Variants in WDR47 observed in about 807,000 individuals in gnomAD.
WDR47 encodes the protein WD repeat-containing protein 47.
Under a neutral mutation model 97.2 loss-of-function variants are expected in WDR47, and 32 were observed. The observed-to-expected ratio is 0.33, with a 90% CI of 0.25 to 0.44. WDR47 has a LOEUF of 0.44. WDR47 is among the 20% of genes least tolerant of loss of function. The probability of loss-of-function intolerance (pLI) is 1.00; values close to 1 mark genes in which losing one functional copy is unlikely to be tolerated. For missense variants in WDR47, 782 were observed against 1,102.3 expected (o/e 0.71, Z 4.11); for synonymous variants, 375 against 373.5 (o/e 1.00, Z -0.05).
intron 13 of WDR47, among the ~76,000 whole-genome samples, chr1:108,975,278 AAAAT>A (rs1452903696): frequency 1.3e-5 from 2 of 151,948 alleles, no homozygotes; most frequent in African/African-American, 2.4e-5. Flanking sequence ...TCCCAGAAAT[AAAAT>A]AAATAATTTT....
At chr1:109,017,702 C>T (rs550473490) in intron 2 of WDR47, 101 bp from the exon 3 acceptor site, 1 of 875,178 alleles carries the variant, frequency 1.1e-6, no homozygotes, top group Admixed American at 2.8e-5. Flanking sequence ...TCATAAAGCA[C>T]ACAATGAGAT....
At chr1:108,986,713 A>C (rs1658854109) in intron 9 of WDR47, 33 bp from the exon 10 acceptor site, 1 of 1,472,988 alleles carries the variant, frequency 6.8e-7, no homozygotes. Flanking sequence ...TTATCCTATT[A>C]AAAAAATGAA....
At chr1:109,036,416 A>G (rs1662945583) in intron 1 of WDR47, among the ~76,000 whole-genome samples, 1 of 151,856 alleles carries the variant, frequency 6.6e-6, no homozygotes, top group African/African-American at 2.4e-5. Flanking sequence ...TACTAAAAAT[A>G]CAAAAATTAG....
intron 4 of WDR47, among the ~76,000 whole-genome samples, chr1:109,012,203 A>C (rs545976724): frequency 5.3e-4 from 80 of 152,244 alleles, no homozygotes; most frequent in African/African-American, 1.9e-3. Flanking sequence ...AAACTTTGCT[A>C]TTATTCCAGC....
chr1:109,017,725 T>A (rs749282268), intron 2 of WDR47, 124 bp from the exon 3 acceptor site: 4 of 766,654 alleles, frequency 5.2e-6, no homozygotes, highest in Non-Finnish European at 8.3e-6. Context: ...ACATTTTATT[T>A]GATTCCTCAA....
rs148636023 is a variant in WDR47 at position 109,040,409 on chromosome 1, C to G, written c.-10+1453G>C. ...TGTAAGTAGTAACATAGGATAGTAC[C>G]CCTGTTCTCTTATGACACATTCTTA... On this transcript the variant is annotated intron_variant, in intron 1 of 14. Coordinates refer to ENST00000369962, the MANE Select transcript of WDR47 (RefSeq NM_001142551.2). Among the ~76,000 whole-genome samples, 336 of 151,990 alleles carry G rather than the reference C, an allele frequency of 2.2e-3. 1 individual carries two copies. Among genetic ancestry groups the G allele is most frequent in the African/African-American group, 7.7e-3 (321 of 41,438 alleles).
At chr1:108,978,336 G>A (rs1056760310) in intron 13 of WDR47, among the ~76,000 whole-genome samples, 4 of 151,960 alleles carry the variant, frequency 2.6e-5, no homozygotes, top group African/African-American at 9.7e-5. Flanking sequence ...AAAATTAGCT[G>A]GGCATGGTAG....
chr1:109,016,498 T>C (rs1316058498), intron 3 of WDR47, among the ~76,000 whole-genome samples: 1 of 152,128 alleles, frequency 6.6e-6, no homozygotes, highest in African/African-American at 2.4e-5. Flanking sequence ...AAATCTACTG[T>C]ATAAACTTAG....
chr1:108,976,900 G>A (rs1300503301), intron 13 of WDR47, among the ~76,000 whole-genome samples: 3 of 152,188 alleles, frequency 2.0e-5, no homozygotes, highest in Non-Finnish European at 1.5e-5. Flanking sequence ...GGGTAAAAAT[G>A]CCAAATCAAG....
At chr1:108,998,786 G>A (rs1659945343) in intron 7 of WDR47, among the ~76,000 whole-genome samples, 1 of 152,058 alleles carries the variant, frequency 6.6e-6, no homozygotes. Context: ...TAGAAATAAT[G>A]ACCTGCAAGA....
chr1:109,013,118 A>C (rs1373637662), intron 4 of WDR47, among the ~76,000 whole-genome samples: 1 of 152,192 alleles, frequency 6.6e-6, no homozygotes, highest in Non-Finnish European at 1.5e-5. Flanking sequence ...TAGCCTCTTT[A>C]ACCAGCTGAA....
At position 108,982,717 on chromosome 1, in the gene WDR47, G is replaced by A. The variant is rs759408363; in HGVS notation, c.2158C>T (p.Pro720Ser). The A allele has an allele frequency of 1.9e-6, 3 of 1,613,602 alleles. No individual in the cohort carries two copies. The highest frequency in any genetic ancestry group is 1.7e-4 in the Middle Eastern group (1 of 6,058). The change falls in exon 12 of 15, where the codon CCA becomes TCA. Residue 720 changes from proline (P) to serine (S), a missense_variant. Pro to Ser is a moderately conservative substitution (Grantham distance 74). Transcript: ENST00000369962. ...TIRDLAFMEG[P>S]ESGGAILISA... Reference sequence around the variant, plus strand: ...ATTAAAATAGCTCCTCCGCTTTCTGGGCCTTCCATAAATGCCAAGTCTCTA... The same window carrying A: ...ATTAAAATAGCTCCTCCGCTTTCTGAGCCTTCCATAAATGCCAAGTCTCTA...
chr1:109,021,854 A>T (rs959932498), intron 2 of WDR47, among the ~76,000 whole-genome samples: 3 of 151,446 alleles, frequency 2.0e-5, no homozygotes, highest in Admixed American at 2.0e-4. Context: ...TATTTAATTT[A>T]TTATTTATTT....
At chr1:109,003,000 A>G (rs1660329840) in intron 6 of WDR47, among the ~76,000 whole-genome samples, 1 of 152,228 alleles carries the variant, frequency 6.6e-6, no homozygotes, top group African/African-American at 2.4e-5. Flanking sequence ...CCTAAAGGAA[A>G]ATAAGTCATC....
At chr1:108,981,550 G>A (rs1658349319) in intron 13 of WDR47, among the ~76,000 whole-genome samples, 183 bp downstream of exon 13, 1 of 152,256 alleles carries the variant, frequency 6.6e-6, no homozygotes, top group South Asian at 2.1e-4. Flanking sequence ...TCCCTAAGCT[G>A]AATATTATTT....
chr1:108,972,734 G>A (rs1225712473), intron 14 of WDR47, among the ~76,000 whole-genome samples: 1 of 152,180 alleles, frequency 6.6e-6, no homozygotes, highest in African/African-American at 2.4e-5. Flanking sequence ...GAGGTCAGGA[G>A]ATCAAGACCA....
chr1:108,989,569 G>A (rs1659156097), intron 9 of WDR47, among the ~76,000 whole-genome samples: 1 of 152,182 alleles, frequency 6.6e-6, no homozygotes, highest in Non-Finnish European at 1.5e-5. Context: ...ATAGCATGGG[G>A]TAGATAAGAG....
chr1:109,015,570 C>T (rs944111670), intron 3 of WDR47, among the ~76,000 whole-genome samples: 4 of 151,856 alleles, frequency 2.6e-5, no homozygotes, highest in African/African-American at 7.3e-5. Flanking sequence ...TCAAGTGATC[C>T]GCCTGCCTCG....
chr1:109,036,780 A>G (rs1484333008), intron 1 of WDR47, among the ~76,000 whole-genome samples: 1 of 151,632 alleles, frequency 6.6e-6, no homozygotes, highest in Non-Finnish European at 1.5e-5. Context: ...GCTTGCAGTG[A>G]GCCGAGATCA....
Sources: gnomAD v4.1 joint callset for allele counts (sites outside exome capture counted in the v4.1 genomes callset) on GRCh38, gnomAD v4.1.1 for gene constraint, MANE v1.5 for transcripts, NCBI Gene and HGNC (gene_info 2026-07-23, HGNC 2026-07-21) for gene names.